The following CACNA1E variants were observed in gnomAD, a reference collection of about 807,000 sequenced individuals.
The protein encoded by CACNA1E is calcium voltage-gated channel subunit alpha1 E, also known as voltage-dependent R-type calcium channel subunit alpha-1E.
CACNA1E carries 40 observed loss-of-function variants against 259.2 expected under a neutral mutation model. The ratio of observed to expected loss-of-function variants is 0.15; its 90% CI spans 0.12 to 0.20. The LOEUF is 0.20. Ranked by LOEUF, CACNA1E falls within the 10% of genes least tolerant of loss-of-function variation. The pLI is 1.00. For synonymous variants in CACNA1E, 1,104 were observed against 1,138.5 expected (o/e 0.97, Z 0.61); for missense variants, 1,874 against 3,040.1 (o/e 0.62, Z 9.02).
At chr1:181,499,633 G>A (rs534702482) in intron 1 of CACNA1E, among the ~76,000 whole-genome samples, 7 of 152,276 alleles carry the variant, frequency 4.6e-5, no homozygotes, top group African/African-American at 1.7e-4. Flanking sequence ...TAACTTTCTT[G>A]GTCTCCAGCA....
intron 3 of CACNA1E, among the ~76,000 whole-genome samples, chr1:181,568,170 C>T (rs180992418): frequency 6.6e-6 from 1 of 152,204 alleles, no homozygotes; most frequent in East Asian, 1.9e-4. Context: ...CAGTCACTAC[C>T]CAGGACAGTG....
intron 6 of CACNA1E, among the ~76,000 whole-genome samples, chr1:181,589,729 G>T (rs1652443733): frequency 6.6e-6 from 1 of 152,004 alleles, no homozygotes; most frequent in African/African-American, 2.4e-5. Flanking sequence ...TCTCTAAAAA[G>T]AAAATAAAAT....
At chr1:181,519,822 T>A (rs1666861471) in intron 3 of CACNA1E, among the ~76,000 whole-genome samples, 1 of 152,232 alleles carries the variant, frequency 6.6e-6, no homozygotes, top group South Asian at 2.1e-4. Context: ...GGAATATACA[T>A]GTGCAACTTA....
intron 6 of CACNA1E, among the ~76,000 whole-genome samples, chr1:181,627,033 G>A (rs985875496): frequency 6.6e-6 from 1 of 152,046 alleles, no homozygotes; most frequent in Non-Finnish European, 1.5e-5. Context: ...GGTAATTTTT[G>A]TTTTCCCGTT....
intron 43 of CACNA1E, among the ~76,000 whole-genome samples, chr1:181,787,011 C>G (rs1660900113): frequency 6.6e-6 from 1 of 151,880 alleles, no homozygotes; most frequent in African/African-American, 2.4e-5. Context: ...ATTCTCCTGT[C>G]CACAGAAAAC....
At chr1:181,728,597 A>G (rs529740121) in intron 18 of CACNA1E, among the ~76,000 whole-genome samples, 3 of 146,442 alleles carry the variant, frequency 2.0e-5, no homozygotes, top group Non-Finnish European at 4.5e-5. Context: ...TCGTGTGCGT[A>G]CTCTGCCCAG....
chr1:181,743,291 CTT>C (rs1656751203), intron 25 of CACNA1E, among the ~76,000 whole-genome samples: 1 of 148,898 alleles, frequency 6.7e-6, no homozygotes, highest in South Asian at 2.1e-4. Flanking sequence ...AAACCTTCCT[CTT>C]TTATCTTTTT....
At chr1:181,745,993 T>G (rs1657045755) in intron 25 of CACNA1E, among the ~76,000 whole-genome samples, 1 of 152,118 alleles carries the variant, frequency 6.6e-6, no homozygotes, top group Non-Finnish European at 1.5e-5. Flanking sequence ...AGGAGCTCGT[T>G]GAGGTCCATG....
chr1:181,429,010 C>T (rs1557998042), intron 2 of CACNA1E, among the ~76,000 whole-genome samples: 2 of 151,888 alleles, frequency 1.3e-5, no homozygotes, highest in Non-Finnish European at 2.9e-5. Flanking sequence ...GGTGAAACCC[C>T]ATCTCTACTA....
intron 1 of CACNA1E, among the ~76,000 whole-genome samples, chr1:181,493,464 T>C (rs1284658935): frequency 6.6e-6 from 1 of 152,198 alleles, no homozygotes; most frequent in African/African-American, 2.4e-5. Flanking sequence ...AGTGACAGGG[T>C]GCTCTTCTGT....
Position 181,732,323 on chromosome 1 carries a change from CCA to C in CACNA1E, c.2298-59_2298-58del, listed in dbSNP as rs61162711. The C allele has an allele frequency of 2.0e-3, 2,873 of 1,455,870 alleles. 48 individuals are homozygous for C. The African/African-American group carries it at 0.036, about 18-fold the overall frequency. 90.2% of individuals were successfully genotyped at this position (1,455,870 alleles called of 1,614,324 possible). On this transcript the variant is annotated intron_variant, in intron 19 of 47. Transcript: ENST00000367573. This position sits in a 1 kb window ranked among gnomAD's most constrained non-coding sequence, Gnocchi z 5.5. ...CTGCCCTCTCACATGGCCCCTGTGG[CCA>C]CCCTCCCTGCCTGCAGCTTCTGGGC...
intron 7 of CACNA1E, among the ~76,000 whole-genome samples, chr1:181,672,518 T>A (rs1308881766): frequency 6.6e-6 from 1 of 152,168 alleles, no homozygotes; most frequent in African/African-American, 2.4e-5. Flanking sequence ...CCTTCTAAAT[T>A]CCCTCTGTAA....
chr1:181,567,964 T>C (rs1182192513), intron 3 of CACNA1E, among the ~76,000 whole-genome samples: 1 of 151,612 alleles, frequency 6.6e-6, no homozygotes, highest in Non-Finnish European at 1.5e-5. Flanking sequence ...CACATATATA[T>C]ACACACACAC....
At chr1:181,356,753 G>A (rs900364990) in intron 1 of CACNA1E, among the ~76,000 whole-genome samples, 3 of 152,180 alleles carry the variant, frequency 2.0e-5, no homozygotes, top group Admixed American at 6.5e-5. Flanking sequence ...CTACCAGGGC[G>A]GGCTCCTGTT....
At chr1:181,609,062 A>G (rs1190266572) in intron 6 of CACNA1E, among the ~76,000 whole-genome samples, 1 of 152,192 alleles carries the variant, frequency 6.6e-6, no homozygotes, top group African/African-American at 2.4e-5. Context: ...GGAAGAAGAA[A>G]TGGGGAGAGA....
At chr1:181,347,763 C>A (rs577867065) in intron 1 of CACNA1E, among the ~76,000 whole-genome samples, 1 of 152,366 alleles carries the variant, frequency 6.6e-6, no homozygotes, top group African/African-American at 2.4e-5. Flanking sequence ...CCTCAGCCTG[C>A]TGGGTGGGAT....
intron 6 of CACNA1E, among the ~76,000 whole-genome samples, chr1:181,581,211 GA>G (rs996798627): frequency 5.3e-5 from 8 of 150,966 alleles, no homozygotes; most frequent in South Asian, 2.1e-4. Context: ...AAAAAGAAAA[GA>G]AAAAAAAATT....
At chr1:181,487,538 C>A (rs1251506146) in intron 1 of CACNA1E, among the ~76,000 whole-genome samples, 3 of 152,192 alleles carry the variant, frequency 2.0e-5, no homozygotes, top group African/African-American at 7.2e-5. Flanking sequence ...GCAGTGGATA[C>A]CATACTCTTT....
In CACNA1E at chr1:181,435,996, A is replaced by G. The variant is rs1423259880; in HGVS notation, c.434+22416A>G. 2.0e-5 allele frequency among the ~76,000 whole-genome samples: 3 copies of G among 152,244 alleles called. No individual in the cohort carries two copies. The South Asian group carries it at 6.2e-4, about 32-fold the overall frequency. On this transcript the variant is annotated intron_variant, in intron 2 of 11. Transcript: ENST00000524607. ...GATAAGGAGTTAATATTAAAAAGAT[A>G]TGAGGAACTCAAACGACTTAAGAGC...
Sources: gnomAD v4.1 joint callset for allele counts (sites outside exome capture counted in the v4.1 genomes callset) on GRCh38, gnomAD v4.1.1 for gene constraint, Gnocchi (gnomAD v3.1) non-coding constraint, MANE v1.5 for transcripts, NCBI Gene and HGNC (gene_info 2026-07-23, HGNC 2026-07-21) for gene names.